PRKDC: variants seen among roughly 807,000 people sequenced by gnomAD.
PRKDC encodes protein kinase, DNA-activated, catalytic subunit, also known as DNA-dependent protein kinase catalytic subunit.
Under a neutral mutation model 486.9 loss-of-function variants are expected in PRKDC, and 82 were observed. That is an observed-to-expected ratio of 0.17 (90% CI 0.14 to 0.20). PRKDC has a LOEUF of 0.20. Among genes scored for constraint, PRKDC ranks in the 10% least tolerant of loss-of-function variants. The probability of loss-of-function intolerance (pLI) is 1.00; values close to 1 mark genes in which losing one functional copy is unlikely to be tolerated. For missense variants in PRKDC, 4,504 were observed against 5,038.2 expected, an observed-to-expected ratio of 0.89 and a Z score of 3.21; for synonymous variants, 1,895 against 1,837.0, an observed-to-expected ratio of 1.03 and a Z score of -0.81.
At chr8:47,809,760 C>T (rs1336003868) in intron 68 of PRKDC, among the ~76,000 whole-genome samples, 1 of 152,176 alleles carries the variant, frequency 6.6e-6, no homozygotes, top group Admixed American at 6.5e-5. Flanking sequence ...AATACAACTC[C>T]CCAAGAACTC....
At chr8:47,949,854 TAAAATG>T (rs2090598825) in intron 7 of PRKDC, among the ~76,000 whole-genome samples, 1 of 152,164 alleles carries the variant, frequency 6.6e-6, no homozygotes, top group African/African-American at 2.4e-5. Flanking sequence ...AACATTAGCT[TAAAATG>T]AAACTGCTGC....
At chr8:47,930,897 T>C (rs181514360) in intron 16 of PRKDC, 110 bp from the exon 17 acceptor site, 185 of 1,075,556 alleles carry the variant, frequency 1.7e-4, no homozygotes, top group South Asian at 5.5e-4. Context: ...CGAAGAAAGA[T>C]TGCAACAGCG....
At chr8:47,882,883 G>A (rs763373662) in intron 36 of PRKDC, among the ~76,000 whole-genome samples, 4 of 152,080 alleles carry the variant, frequency 2.6e-5, no homozygotes, top group African/African-American at 4.8e-5. Flanking sequence ...TCATTAATTC[G>A]TCATCAAACT....
intron 61 of PRKDC, 36 bp from the exon 62 acceptor site, chr8:47,828,383 T>A: frequency 6.6e-7 from 1 of 1,509,654 alleles, no homozygotes; most frequent in Admixed American, 2.2e-5. Flanking sequence ...AATTAGGATC[T>A]GAAGCAAAAA....
At chr8:47,882,924 C>G (rs2089251944) in intron 36 of PRKDC, among the ~76,000 whole-genome samples, 1 of 152,230 alleles carries the variant, frequency 6.6e-6, no homozygotes, top group Non-Finnish European at 1.5e-5. Flanking sequence ...TGCAAGCCCT[C>G]TAAGCCTATC....
At chr8:47,834,487 C>A (rs2087963368) in intron 58 of PRKDC, 91 bp from the exon 59 acceptor site, 1 of 1,349,472 alleles carries the variant, frequency 7.4e-7, no homozygotes, top group South Asian at 1.3e-5. Flanking sequence ...CCTGGTGGCA[C>A]CCTAGGCCTC....
At chr8:47,905,378 GA>G (rs1313093796) in intron 25 of PRKDC, among the ~76,000 whole-genome samples, 1 of 152,072 alleles carries the variant, frequency 6.6e-6, no homozygotes, top group East Asian at 1.9e-4. Flanking sequence ...GTCCAGCAAA[GA>G]AAAATATGCA....
At chr8:47,786,002 A>C (rs2086784407) in intron 76 of PRKDC, among the ~76,000 whole-genome samples, 1 of 151,742 alleles carries the variant, frequency 6.6e-6, no homozygotes, top group Admixed American at 6.6e-5. Context: ...GCTACTCGGG[A>C]GGCTGAGGCA....
rs755294856 is a variant in PRKDC at position 47,898,525 on chromosome 8, T to C, written c.3409A>G (p.Ile1137Val). The stretch of plus-strand genomic sequence containing the variant: ...AAAGAAACATGCTTCTTTTCAATGA[T>C]GCGGCATAGGTGATCAATGGCATCA... ...CCDAIDHLCR[I>V]IEKKHVSLNK... Residue 1137 changes from isoleucine to valine, a missense_variant, in exon 29 of 86, where the codon ATC becomes GTC. Ile to Val is a conservative substitution (Grantham distance 29). Around this residue, in one of 6 missense-constraint regions of PRKDC, gnomAD observed 1,969 missense variants for 2,068.9 expected, o/e 0.95. Coordinates refer to ENST00000314191, the MANE Select transcript of PRKDC (RefSeq NM_006904.7). The C allele has an allele frequency of 1.3e-6, 2 of 1,564,070 alleles. No individual in the cohort carries two copies. Among genetic ancestry groups the C allele is most frequent in the African/African-American group, 2.7e-5 (2 of 74,420 alleles).
chr8:47,862,758 C>T (rs559673941), intron 42 of PRKDC, among the ~76,000 whole-genome samples: 9 of 152,234 alleles, frequency 5.9e-5, no homozygotes, highest in Admixed American at 5.9e-4. Flanking sequence ...ACACAGTGGT[C>T]AGTGACGCAA....
Position 47,839,241 on chromosome 8 carries a change from G to C in PRKDC, c.7460C>G (p.Pro2487Arg), listed in dbSNP as rs1181687939. 1.2e-6 allele frequency: 2 copies of C among 1,611,704 alleles called. No individual in the cohort carries two copies. The highest frequency in any genetic ancestry group is 2.2e-5 in the South Asian group (2 of 90,834). ...LMWIHDNYRDPESETDNDSQE... is the reference protein window; with the variant it reads ...LMWIHDNYRDRESETDNDSQE... Reference sequence around the variant, plus strand: ...GGAGTCATTATCTGTCTCACTTTCTGGATCTCTGCTTGAGAAAACAGCAAA... The same window carrying C: ...GGAGTCATTATCTGTCTCACTTTCTCGATCTCTGCTTGAGAAAACAGCAAA... The change falls in exon 56 of 86, where the codon CCA (proline) becomes CGA (arginine). Residue 2487 changes from proline to arginine, a missense_variant. Pro to Arg is a moderately radical substitution (Grantham distance 103). This residue lies in a region of PRKDC where 1,592 missense variants were observed against 1,724.6 expected (regional missense o/e 0.92). Coordinates refer to ENST00000314191, the MANE Select transcript of PRKDC (RefSeq NM_006904.7).
intron 85 of PRKDC, among the ~76,000 whole-genome samples, chr8:47,775,305 C>T (rs1175803967): frequency 6.6e-6 from 1 of 151,560 alleles, no homozygotes; most frequent in East Asian, 1.9e-4. Context: ...TTTTTGCATG[C>T]CGCTTATTGG....
intron 60 of PRKDC, among the ~76,000 whole-genome samples, 182 bp from the exon 61 acceptor site, chr8:47,830,918 T>A (rs2087853267): frequency 6.6e-6 from 1 of 152,034 alleles, no homozygotes; most frequent in Non-Finnish European, 1.5e-5. Flanking sequence ...CAAAATAAAA[T>A]CACTACACAA....
chr8:47,932,791 CA>C (rs61254095), intron 16 of PRKDC, among the ~76,000 whole-genome samples: 69 of 147,550 alleles, frequency 4.7e-4, no homozygotes, highest in Admixed American at 1.8e-3. Flanking sequence ...ATAATTTTTT[CA>C]AAAAAAAAAT....
Position 47,885,947 on chromosome 8 carries a change from T to G in PRKDC, c.4773A>C (p.Lys1591Asn). The change falls in exon 36 of 86, where the codon AAA (lysine) becomes AAC (asparagine). Residue 1591 changes from lysine to asparagine, a missense_variant. Coordinates refer to ENST00000314191, the MANE Select transcript of PRKDC (RefSeq NM_006904.7). ...ELMQSSVDNTKMVSAVLNGML... is the reference protein window; with the variant it reads ...ELMQSSVDNTNMVSAVLNGML... The stretch of plus-strand genomic sequence containing the variant: ...ATTTAAAGGGAAACTTTGTTACCAT[T>G]TTGGTATTATCCACTGAAGACTGCA... 1 of 1,611,272 alleles carries G rather than the reference T, an allele frequency of 6.2e-7. No homozygotes were observed. Among genetic ancestry groups the G allele is most frequent in the South Asian group, 1.1e-5 (1 of 90,868 alleles).
chr8:47,807,396 A>G, intron 68 of PRKDC, 70 bp from the exon 69 acceptor site: 3 of 1,284,942 alleles, frequency 2.3e-6, no homozygotes, highest in East Asian at 4.9e-5. Flanking sequence ...AATTACAGGC[A>G]GAAATTCTAA....
At chr8:47,940,178 A>T (rs2090420199) in intron 10 of PRKDC, among the ~76,000 whole-genome samples, 1 of 152,206 alleles carries the variant, frequency 6.6e-6, no homozygotes, top group South Asian at 2.1e-4. Context: ...TCATCAATAA[A>T]TAGAGTTCAG....
At chr8:47,886,894 T>C (rs2089346063) in intron 35 of PRKDC, among the ~76,000 whole-genome samples, 1 of 152,190 alleles carries the variant, frequency 6.6e-6, no homozygotes, top group South Asian at 2.1e-4. Flanking sequence ...CTCGCTATGT[T>C]GTCCAGGATG....
At chr8:47,955,809 A>C (rs1479276246) in intron 4 of PRKDC, 65 bp downstream of exon 4, 24 of 1,327,416 alleles carry the variant, frequency 1.8e-5, no homozygotes, top group Non-Finnish European at 2.5e-5. Flanking sequence ...ACAACTCAAA[A>C]CTCTGATTTT....
Sources: gnomAD v4.1 joint callset for allele counts (sites outside exome capture counted in the v4.1 genomes callset) on GRCh38, gnomAD v4.1.1 for gene constraint, gnomAD v4.1.1 regional missense constraint, MANE v1.5 for transcripts, NCBI Gene and HGNC (gene_info 2026-07-23, HGNC 2026-07-21) for gene names.